ROBO2: variants seen among roughly 807,000 people sequenced by gnomAD.
ROBO2 encodes roundabout guidance receptor 2, also known as roundabout homolog 2.
In ROBO2, 53 loss-of-function variants were observed where a neutral mutation model predicts 160.8. The observed-to-expected ratio is 0.33, with a 90% confidence interval of 0.26 to 0.41. The LOEUF (loss-of-function observed/expected upper bound fraction) is 0.41, where lower values mean the gene tolerates loss of function less well. Ranked by LOEUF, ROBO2 falls within the 10% of genes least tolerant of loss-of-function variation. The pLI is 1.00. For synonymous variants in ROBO2, 664 were observed against 611.7 expected (o/e 1.09, Z -1.26); for missense variants, 1,577 against 1,722.4 (o/e 0.92, Z 1.49).
intron 2 of ROBO2, among the ~76,000 whole-genome samples, chr3:76,466,481 G>A (rs1352292995): frequency 6.6e-6 from 1 of 151,894 alleles, no homozygotes; most frequent in Admixed American, 6.6e-5. Flanking sequence ...GATATGCAAT[G>A]CTCTATTTTT....
intron 2 of ROBO2, among the ~76,000 whole-genome samples, chr3:77,290,123 C>G (rs1171689623): frequency 1.3e-5 from 2 of 151,776 alleles, no homozygotes; most frequent in African/African-American, 2.4e-5. Context: ...TCACCAAAGA[C>G]ATAAAGTAAA....
chr3:76,810,535 T>C (rs551599974), intron 2 of ROBO2, among the ~76,000 whole-genome samples: 1 of 152,124 alleles, frequency 6.6e-6, no homozygotes, highest in African/African-American at 2.4e-5. Context: ...AGATTAGATC[T>C]CTAAGAAAAG....
intron 2 of ROBO2, among the ~76,000 whole-genome samples, chr3:76,618,439 A>AT (rs1420954744): frequency 1.3e-5 from 2 of 149,984 alleles, no homozygotes; most frequent in African/African-American, 4.9e-5. Context: ...GAAATAGGAT[A>AT]TATATATATA....
chr3:76,006,626 A>T (rs367986871), intron 2 of ROBO2, among the ~76,000 whole-genome samples: 1 of 152,248 alleles, frequency 6.6e-6, no homozygotes, highest in Non-Finnish European at 1.5e-5. Flanking sequence ...TTTGCAGTCT[A>T]AAATTTCACA....
intron 2 of ROBO2, among the ~76,000 whole-genome samples, chr3:76,665,914 C>T (rs1160027752): frequency 3.8e-5 from 5 of 131,424 alleles, no homozygotes; most frequent in African/African-American, 2.8e-5. Flanking sequence ...ATAATATACA[C>T]ATATTTTATA....
intron 2 of ROBO2, among the ~76,000 whole-genome samples, chr3:76,992,761 G>A (rs1256549994): frequency 6.6e-6 from 1 of 151,984 alleles, no homozygotes; most frequent in Admixed American, 6.6e-5. Context: ...TAGTCTTTCA[G>A]TTTTTGAGAC....
At chr3:76,821,897 C>A (rs966840591) in intron 2 of ROBO2, among the ~76,000 whole-genome samples, 2 of 151,960 alleles carry the variant, frequency 1.3e-5, no homozygotes, top group Non-Finnish European at 1.5e-5. Context: ...CTAGAGTCAG[C>A]CTCTTCAACA....
rs1214403050 is a variant in ROBO2 at position 76,520,996 on chromosome 3, A to T, written c.110-577018A>T. On this transcript the variant is annotated intron_variant, in intron 2 of 26. Coordinates refer to the ROBO2 transcript ENST00000487694. Reference sequence around the variant, plus strand: ...TTTTCTTAAAGGTGCCTCTCATATTATTTGTCCAGAAGTTTGATATGAAAA... The same window carrying T: ...TTTTCTTAAAGGTGCCTCTCATATTTTTTGTCCAGAAGTTTGATATGAAAA... Among the ~76,000 whole-genome samples, 8 of 137,750 alleles carry T rather than the reference A, an allele frequency of 5.8e-5. No individual in the cohort carries two copies. The East Asian group carries it at 1.3e-3, about 22-fold the overall frequency. 90.4% of individuals were successfully genotyped at this position (137,750 alleles called of 152,430 possible).
chr3:76,616,755 T>G (rs1326247929), intron 2 of ROBO2, among the ~76,000 whole-genome samples: 1 of 152,142 alleles, frequency 6.6e-6, no homozygotes, highest in Non-Finnish European at 1.5e-5. Context: ...GTTTTTTGTT[T>G]GTTTAAGAGA....
chr3:77,045,943 A>C (rs1039104203), intron 1 of ROBO2, among the ~76,000 whole-genome samples: 1 of 152,238 alleles, frequency 6.6e-6, no homozygotes, highest in African/African-American at 2.4e-5. Context: ...TAGCATATGC[A>C]TCAGTACATC....
intron 2 of ROBO2, among the ~76,000 whole-genome samples, chr3:77,122,468 G>A (rs914216659): frequency 2.6e-5 from 4 of 152,186 alleles, no homozygotes; most frequent in East Asian, 1.9e-4. Context: ...TAATTTAGCC[G>A]TCGCTGCCCC....
At chr3:76,472,075 G>T (rs1266219078) in intron 2 of ROBO2, among the ~76,000 whole-genome samples, 1 of 120,162 alleles carries the variant, frequency 8.3e-6, no homozygotes, top group Non-Finnish European at 1.8e-5. Flanking sequence ...GTGTGTGTGT[G>T]TGTGTGTGTG....
At chr3:75,966,209 CTG>C (rs1324894121) in intron 2 of ROBO2, among the ~76,000 whole-genome samples, 1 of 151,526 alleles carries the variant, frequency 6.6e-6, no homozygotes, top group African/African-American at 2.4e-5. Flanking sequence ...TTGGGTAAAA[CTG>C]TAAGACACAA....
chr3:75,954,063 C>T (rs1322880973), intron 2 of ROBO2, among the ~76,000 whole-genome samples: 4 of 151,706 alleles, frequency 2.6e-5, no homozygotes, highest in African/African-American at 9.7e-5. Context: ...AATTATCTCC[C>T]ATGTGTACCC....
chr3:76,192,349 C>T (rs965550117), intron 2 of ROBO2, among the ~76,000 whole-genome samples: 1 of 152,016 alleles, frequency 6.6e-6, no homozygotes, highest in Non-Finnish European at 1.5e-5. Context: ...TATTCCCATC[C>T]TTCTCCATTC....
intron 2 of ROBO2, among the ~76,000 whole-genome samples, chr3:76,919,967 A>G (rs1577484168): frequency 6.6e-6 from 1 of 152,224 alleles, no homozygotes; most frequent in East Asian, 1.9e-4. Flanking sequence ...CTTCACTCAA[A>G]GAAATTGGAC....
At chr3:76,383,556 T>C (rs1427124843) in intron 2 of ROBO2, among the ~76,000 whole-genome samples, 1 of 152,218 alleles carries the variant, frequency 6.6e-6, no homozygotes, top group Non-Finnish European at 1.5e-5. Context: ...AAATTACTTG[T>C]CAATATTCTG....
chr3:76,052,740 C>A (rs545613814), intron 2 of ROBO2, among the ~76,000 whole-genome samples: 6 of 152,076 alleles, frequency 3.9e-5, no homozygotes, highest in African/African-American at 1.4e-4. Flanking sequence ...ATTTTCCCTG[C>A]ATAATCTAAC....
chr3:76,695,417 G>GT (rs1018866227), intron 2 of ROBO2, among the ~76,000 whole-genome samples: 5 of 150,572 alleles, frequency 3.3e-5, no homozygotes, highest in South Asian at 2.1e-4. Context: ...TCTCAGGCTT[G>GT]TTTTTTTTTA....
Sources: gnomAD v4.1 joint callset for allele counts (sites outside exome capture counted in the v4.1 genomes callset) on GRCh38, gnomAD v4.1.1 for gene constraint, MANE v1.5 for transcripts, NCBI Gene and HGNC (gene_info 2026-07-23, HGNC 2026-07-21) for gene names.